The following CCDC146 variants were observed in gnomAD, a reference collection of about 807,000 sequenced individuals.
CCDC146 encodes the protein coiled-coil domain-containing protein 146.
A neutral mutation model predicts 119.3 loss-of-function variants in CCDC146; 92 were observed. The observed-to-expected ratio is 0.77, with a 90% CI of 0.65 to 0.92. CCDC146 has a LOEUF of 0.92. Ranked by LOEUF, CCDC146 falls within the 40% of genes least tolerant of loss-of-function variation. The probability of loss-of-function intolerance (pLI) is 0.00; values close to 1 mark genes in which losing one functional copy is unlikely to be tolerated. For synonymous variants in CCDC146, 372 were observed against 371.8 expected, an observed-to-expected ratio of 1.00 and a Z score of -0.01; for missense variants, 1,000 against 1,103.0, an observed-to-expected ratio of 0.91 and a Z score of 1.32.
chr7:77,210,550 G>C (rs944475674), intron 2 of CCDC146, among the ~76,000 whole-genome samples: 1 of 152,118 alleles, frequency 6.6e-6, no homozygotes. Flanking sequence ...CCTCCAAACT[G>C]TTCCAACCTC....
intron 2 of CCDC146, among the ~76,000 whole-genome samples, chr7:77,171,630 C>T (rs1489292746): frequency 2.0e-5 from 3 of 152,180 alleles, no homozygotes; most frequent in Non-Finnish European, 4.4e-5. Context: ...TCATTTTTGT[C>T]ATTGTATCTC....
At chr7:77,223,169 G>GGAAATAATTTTAAACATGGGT (rs1792438494) in intron 2 of CCDC146, among the ~76,000 whole-genome samples, 1 of 152,144 alleles carries the variant, frequency 6.6e-6, no homozygotes, top group African/African-American at 2.4e-5. Context: ...GAGGTAGAGA[G>GGAAATAATTTTAAACATGGGT]GAAATAATTT....
chr7:77,164,332 G>A (rs181891992), intron 1 of CCDC146, among the ~76,000 whole-genome samples: 2,120 of 152,082 alleles, frequency 0.014, 58 homozygotes, highest in African/African-American at 0.048. Flanking sequence ...ATTTTTAGCT[G>A]CTTGAAGATT....
At chr7:77,185,840 G>A in intron 2 of CCDC146, among the ~76,000 whole-genome samples, 1 of 152,138 alleles carries the variant, frequency 6.6e-6, no homozygotes, top group East Asian at 1.9e-4. Context: ...AATTCAAGAT[G>A]ACACAGAGAT....
intron 2 of CCDC146, among the ~76,000 whole-genome samples, chr7:77,200,972 A>G (rs971005753): frequency 3.9e-5 from 6 of 152,198 alleles, no homozygotes; most frequent in Non-Finnish European, 7.4e-5. Context: ...TCTGTAGCCT[A>G]TCTCATATTT....
chr7:77,260,042 A>C lies in CCDC146; in HGVS notation c.792A>C (p.Gln264His). 6.2e-7 allele frequency: 1 copy of C among 1,613,130 alleles called. No homozygotes were observed. Among genetic ancestry groups the C allele is most frequent in the Non-Finnish European group, 8.5e-7 (1 of 1,179,798 alleles). Residue 264 changes from glutamine (Q) to histidine (H), a missense_variant, in exon 8 of 19, where the codon CAA (glutamine) becomes CAC (histidine). Physicochemically the swap from Gln to His is conservative, Grantham distance 24. This residue lies in a region of CCDC146 where 985 missense variants were observed against 1,045.3 expected (regional missense o/e 0.94). Coordinates refer to ENST00000285871, the MANE Select transcript of CCDC146 (RefSeq NM_020879.3). ...AAAAGAAAAAAATTGTCTTGGAACA[A>C]GAAGTCAAAACGCTAAATGACTCCC... ...EMEKKKIVLE[Q>H]EVKTLNDSLK...
intron 2 of CCDC146, among the ~76,000 whole-genome samples, chr7:77,176,204 A>C (rs1208029031): frequency 6.6e-6 from 1 of 150,824 alleles, no homozygotes; most frequent in African/African-American, 2.5e-5. Flanking sequence ...CCGGAACCCA[A>C]CTCTGCTCCT....
chr7:77,149,662 A>G (rs928180700), intron 1 of CCDC146, among the ~76,000 whole-genome samples: 29 of 151,972 alleles, frequency 1.9e-4, no homozygotes, highest in Middle Eastern at 3.4e-3. Flanking sequence ...GCTACTCTGG[A>G]TACTGAGGAC....
chr7:77,163,195 C>A (rs1791288991), intron 1 of CCDC146, among the ~76,000 whole-genome samples: 2 of 152,158 alleles, frequency 1.3e-5, no homozygotes, highest in African/African-American at 4.8e-5. Context: ...TGCCTGTAAT[C>A]CCAGCACTTT....
rs769847736 is a variant in CCDC146, at chr7:77,274,564, T to C, written c.1352T>C (p.Met451Thr). ...AAGCTTTTAAAGGAGCAAGAAAACATGAAAGAGCTAGTAGTCAACCTTCTC... is the reference window on the plus strand; with the variant it reads ...AAGCTTTTAAAGGAGCAAGAAAACACGAAAGAGCTAGTAGTCAACCTTCTC... ...ENKLLKEQEN[M>T]KELVVNLLRM... The change falls in exon 11 of 19, where the codon ATG (methionine) becomes ACG (threonine). Residue 451 changes from methionine (M) to threonine (T), a missense_variant. By Grantham distance (81) the Met-to-Thr change is moderately conservative. Transcript: ENST00000285871. 1.2e-6 allele frequency: 2 copies of C among 1,613,108 alleles called. No individual in the cohort carries two copies. The highest frequency in any genetic ancestry group is 1.7e-5 in the Admixed American group (1 of 59,968).
chr7:77,211,071 A>G (rs1792173139), intron 2 of CCDC146, among the ~76,000 whole-genome samples: 1 of 152,232 alleles, frequency 6.6e-6, no homozygotes, highest in African/African-American at 2.4e-5. Flanking sequence ...TATATTAGAT[A>G]TACATTAGGG....
At chr7:77,267,266 T>C (rs1489263855) in intron 9 of CCDC146, among the ~76,000 whole-genome samples, 3 of 152,144 alleles carry the variant, frequency 2.0e-5, no homozygotes, top group Non-Finnish European at 4.4e-5. Context: ...GTGCTGGGAT[T>C]ACAGGTGTGA....
rs752615697 is a variant in CCDC146 at position 77,282,639 on chromosome 7, G to A, written c.2002G>A (p.Gly668Arg). 1 of 1,612,150 alleles carries A rather than the reference G, an allele frequency of 6.2e-7. No individual in the cohort carries two copies. The highest frequency in any genetic ancestry group is 2.2e-5 in the East Asian group (1 of 44,882). Residue 668 changes from glycine to arginine, a missense_variant, in exon 15 of 19, where the codon GGA (glycine) becomes AGA (arginine). Gly to Arg is a moderately radical substitution (Grantham distance 125). Around this residue, in one of 2 missense-constraint regions of CCDC146, gnomAD observed 985 missense variants for 1,045.3 expected, o/e 0.94. Coordinates refer to ENST00000285871, the MANE Select transcript of CCDC146 (RefSeq NM_020879.3). ...INIQEKMKLNGEIEIHLLEEK... is the reference protein window; with the variant it reads ...INIQEKMKLNREIEIHLLEEK... ...TATCCAAGAGAAGATGAAACTAAAT[G>A]GAGAAATTGAAATACATCTACTGGA...
chr7:77,292,577 A>G (rs1793968166), intron 17 of CCDC146, among the ~76,000 whole-genome samples: 1 of 149,294 alleles, frequency 6.7e-6, no homozygotes, highest in African/African-American at 2.5e-5. Flanking sequence ...AGATTGCGCT[A>G]CTGCACTCCA....
At chr7:77,286,323 C>T (rs1793846856) in intron 15 of CCDC146, among the ~76,000 whole-genome samples, 1 of 152,182 alleles carries the variant, frequency 6.6e-6, no homozygotes, top group Non-Finnish European at 1.5e-5. Flanking sequence ...ATTGCAAGGA[C>T]AGTACCAAGC....
chr7:77,269,353 C>G (rs1015064751), intron 9 of CCDC146, among the ~76,000 whole-genome samples: 2 of 151,942 alleles, frequency 1.3e-5, no homozygotes, highest in Non-Finnish European at 2.9e-5. Flanking sequence ...TTTTCTTCTT[C>G]TTTTCCTAAA....
intron 4 of CCDC146, among the ~76,000 whole-genome samples, chr7:77,253,292 C>T (rs569029882): frequency 6.6e-6 from 1 of 152,336 alleles, no homozygotes; most frequent in Non-Finnish European, 1.5e-5. Context: ...GGATCTCTGT[C>T]AAGTTTCCTC....
At chr7:77,195,180 A>G (rs1417068913) in intron 2 of CCDC146, 3 of 151,816 alleles carry the variant, frequency 2.0e-5, no homozygotes, top group Non-Finnish European at 4.4e-5. Context: ...CCCCCAAAAA[A>G]ACCTACCAGT....
Position 77,293,066 on chromosome 7 carries a change from A to C in CCDC146, c.2530A>C (p.Lys844Gln), listed in dbSNP as rs750374503. 2.8e-5 allele frequency: 45 copies of C among 1,614,064 alleles called. No homozygotes were observed. The highest frequency in any genetic ancestry group is 3.8e-5 in the Non-Finnish European group (45 of 1,180,012). The part of the protein sequence containing the change: ...TIELQKEVRE[K>Q]EDFIFTCNSR... Reference sequence around the variant, plus strand: ...TGAACTCCAAAAGGAAGTCAGGGAGAAAGAAGACTTCATCTTCACTTGCAA... The same window carrying C: ...TGAACTCCAAAAGGAAGTCAGGGAGCAAGAAGACTTCATCTTCACTTGCAA... Residue 844 changes from lysine (K) to glutamine (Q), a missense_variant, in exon 18 of 19, where the codon AAA (lysine) becomes CAA (glutamine). Physicochemically the swap from Lys to Gln is moderately conservative, Grantham distance 53. Transcript: ENST00000285871.
Sources: allele counts gnomAD v4.1 joint callset (sites outside exome capture counted in the v4.1 genomes callset), GRCh38; gene constraint gnomAD v4.1.1; regional missense constraint gnomAD v4.1.1; transcripts MANE v1.5; gene names NCBI Gene and HGNC (gene_info 2026-07-23, HGNC 2026-07-21).